Variants in TMEM132D observed in about 807,000 individuals in gnomAD.
TMEM132D encodes the protein transmembrane protein 132D.
TMEM132D carries 21 observed loss-of-function variants against 62.3 expected under a neutral mutation model. The observed-to-expected ratio is 0.34, with a 90% CI of 0.24 to 0.49. TMEM132D has a LOEUF of 0.49. Ranked by LOEUF, TMEM132D falls within the 20% of genes least tolerant of loss-of-function variation. The probability of loss-of-function intolerance (pLI) is 0.99; values close to 1 mark genes in which losing one functional copy is unlikely to be tolerated. For synonymous variants in TMEM132D, 621 were observed against 575.6 expected, an observed-to-expected ratio of 1.08 and a Z score of -1.13; for missense variants, 1,346 against 1,402.8, an observed-to-expected ratio of 0.96 and a Z score of 0.65.
At chr12:129,266,387 T>G (rs2135598101) in intron 4 of TMEM132D, among the ~76,000 whole-genome samples, 1 of 151,136 alleles carries the variant, frequency 6.6e-6, no homozygotes, top group Admixed American at 6.6e-5. Flanking sequence ...TCCTCTCCCC[T>G]TCCTTTCTCT....
intron 2 of TMEM132D, among the ~76,000 whole-genome samples, chr12:129,537,829 TGATGAG>T (rs1490984590): frequency 6.6e-6 from 1 of 152,038 alleles, no homozygotes; most frequent in East Asian, 1.9e-4. Flanking sequence ...TGAGGGAAAA[TGATGAG>T]AACAGTTTTC....
At chr12:129,269,628 G>T (rs1880798465) in intron 4 of TMEM132D, among the ~76,000 whole-genome samples, 1 of 152,174 alleles carries the variant, frequency 6.6e-6, no homozygotes, top group African/African-American at 2.4e-5. Context: ...AGAGTATCAG[G>T]ATAGGATGAC....
At chr12:129,668,103 G>A (rs1880419366) in intron 2 of TMEM132D, among the ~76,000 whole-genome samples, 1 of 150,974 alleles carries the variant, frequency 6.6e-6, no homozygotes, top group South Asian at 2.1e-4. Context: ...TTAGAATAGA[G>A]GAAAAACTTT....
chr12:129,122,605 C>T (rs1235218622), intron 5 of TMEM132D, among the ~76,000 whole-genome samples: 2 of 152,144 alleles, frequency 1.3e-5, no homozygotes, highest in South Asian at 4.1e-4. Flanking sequence ...ATCAGAAGCT[C>T]GATTCCAGAA....
intron 5 of TMEM132D, among the ~76,000 whole-genome samples, chr12:129,106,294 AT>A (rs1875496301): frequency 6.7e-6 from 1 of 148,784 alleles, no homozygotes; most frequent in Non-Finnish European, 1.5e-5. Context: ...GAGGGATAGC[AT>A]TGGGAGATAT....
intron 5 of TMEM132D, among the ~76,000 whole-genome samples, chr12:129,120,250 G>A (rs913211115): frequency 6.6e-6 from 1 of 152,182 alleles, no homozygotes; most frequent in African/African-American, 2.4e-5. Flanking sequence ...GTCTATGGGG[G>A]CAAGAGCGAA....
rs985490762 is a variant in TMEM132D, at chr12:129,277,539, A to G, written c.1299+60095T>C. Among the ~76,000 whole-genome samples the G allele has an allele frequency of 6.6e-6, 1 of 152,244 alleles. No individual in the cohort carries two copies. Among genetic ancestry groups the G allele is most frequent in the Non-Finnish European group, 1.5e-5 (1 of 68,042 alleles). The stretch of plus-strand genomic sequence containing the variant: ...CAGGAATTTGAAAGAATTATTAAAA[A>G]TGATTTGATGTAGCCATTTCAGGAA... On this transcript the variant is annotated intron_variant, in intron 4 of 8. Coordinates refer to ENST00000422113, the MANE Select transcript of TMEM132D (RefSeq NM_133448.3). The surrounding 1 kb of genome is among the most constrained non-coding windows in gnomAD (Gnocchi z 4.2).
intron 1 of TMEM132D, among the ~76,000 whole-genome samples, chr12:129,897,509 G>A (rs1875182207): frequency 6.6e-6 from 1 of 152,094 alleles, no homozygotes; most frequent in Admixed American, 6.5e-5. Flanking sequence ...AGTCCACTGG[G>A]CATGTCTGCA....
intron 2 of TMEM132D, among the ~76,000 whole-genome samples, chr12:129,635,011 T>A (rs1879441035): frequency 6.6e-6 from 1 of 152,204 alleles, no homozygotes; most frequent in African/African-American, 2.4e-5. Context: ...TTAAACAAAC[T>A]CAAAACTATA....
intron 4 of TMEM132D, among the ~76,000 whole-genome samples, chr12:129,305,807 T>C (rs1172413598): frequency 1.3e-5 from 2 of 152,178 alleles, no homozygotes; most frequent in East Asian, 3.9e-4. Flanking sequence ...AAGGTCTTTG[T>C]GAGCAGTGCT....
intron 4 of TMEM132D, among the ~76,000 whole-genome samples, chr12:129,333,820 T>A (rs547831313): frequency 6.6e-6 from 1 of 152,148 alleles, no homozygotes; most frequent in Non-Finnish European, 1.5e-5. Context: ...TTCCCACTTA[T>A]AAAATATAAA....
chr12:129,445,361 T>C (rs1873066044), intron 3 of TMEM132D, among the ~76,000 whole-genome samples: 1 of 152,146 alleles, frequency 6.6e-6, no homozygotes, highest in Non-Finnish European at 1.5e-5. Context: ...TAATGGGTAC[T>C]AGGCTTAATA....
intron 4 of TMEM132D, among the ~76,000 whole-genome samples, chr12:129,286,724 C>T (rs538297855): frequency 6.6e-6 from 1 of 152,178 alleles, no homozygotes; most frequent in East Asian, 1.9e-4. Context: ...AGCATCTAGA[C>T]CTTAAAGTGT....
chr12:129,740,537 T>G (rs1471671173), intron 1 of TMEM132D, among the ~76,000 whole-genome samples: 1 of 152,206 alleles, frequency 6.6e-6, no homozygotes, highest in Non-Finnish European at 1.5e-5. Context: ...CTGTGGAAAT[T>G]TTAATCATTC....
At chr12:129,156,562 C>A (rs1417992445) in intron 5 of TMEM132D, among the ~76,000 whole-genome samples, 1 of 152,050 alleles carries the variant, frequency 6.6e-6, no homozygotes, top group Non-Finnish European at 1.5e-5. Context: ...TTTGTGGTAC[C>A]CAACCTACTC....
intron 1 of TMEM132D, among the ~76,000 whole-genome samples, chr12:129,878,720 GC>G (rs1566017472): frequency 6.6e-6 from 1 of 152,096 alleles, no homozygotes; most frequent in Non-Finnish European, 1.5e-5. Flanking sequence ...GGGATTACAG[GC>G]ACCTGCCCAG....
chr12:129,192,062 T>C (rs549756219), intron 5 of TMEM132D, among the ~76,000 whole-genome samples: 1 of 152,316 alleles, frequency 6.6e-6, no homozygotes, highest in East Asian at 1.9e-4. Flanking sequence ...GAAAACAAAT[T>C]CACATCTAGT....
intron 4 of TMEM132D, among the ~76,000 whole-genome samples, chr12:129,297,533 G>C (rs548439644): frequency 6.6e-6 from 1 of 152,198 alleles, no homozygotes; most frequent in African/African-American, 2.4e-5. Flanking sequence ...CGCCTCTGCC[G>C]TTAGTAAGAA....
rs1211225712 is a variant in TMEM132D, at chr12:129,113,309, C to T, written c.1444-28607G>A. 4.6e-5 allele frequency: 7 copies of T among 152,340 alleles called. No individual in the cohort carries two copies. The South Asian group carries it at 6.2e-4, about 14-fold the overall frequency. 9.4% of individuals were successfully genotyped at this position (152,340 alleles called of 1,614,324 possible). On this transcript the variant is annotated intron_variant, in intron 5 of 8. Coordinates refer to ENST00000422113, the MANE Select transcript of TMEM132D (RefSeq NM_133448.3). ...TCTTCCCTGGCAATACTCAATGTCT[C>T]AGTGATTGGCTTTCTGTCCAGGGGG...
Sources: allele counts gnomAD v4.1 joint callset (sites outside exome capture counted in the v4.1 genomes callset), GRCh38; gene constraint gnomAD v4.1.1; non-coding constraint Gnocchi (gnomAD v3.1); transcripts MANE v1.5; gene names NCBI Gene and HGNC (gene_info 2026-07-23, HGNC 2026-07-21).